ASTN2: variants seen among roughly 807,000 people sequenced by gnomAD.
The protein encoded by ASTN2 is astrotactin 2.
ASTN2 carries 54 observed loss-of-function variants against 139.8 expected under a neutral mutation model. That is an observed-to-expected ratio of 0.39 (90% confidence interval 0.31 to 0.48). The LOEUF (loss-of-function observed/expected upper bound fraction) is 0.48, where lower values mean the gene tolerates loss of function less well. ASTN2 is among the 20% of genes least tolerant of loss of function. ASTN2 has a pLI of 0.95. For synonymous variants in ASTN2, 756 were observed against 719.5 expected, an observed-to-expected ratio of 1.05 and a Z score of -0.81; for missense variants, 1,565 against 1,725.1, an observed-to-expected ratio of 0.91 and a Z score of 1.64.
At chr9:117,272,238 G>T (rs1307157669) in intron 2 of ASTN2, among the ~76,000 whole-genome samples, 1 of 152,226 alleles carries the variant, frequency 6.6e-6, no homozygotes, top group Non-Finnish European at 1.5e-5. Context: ...ACCCTCTAAA[G>T]CCACAGGCTG....
intron 1 of ASTN2, among the ~76,000 whole-genome samples, chr9:117,400,024 C>T (rs917076003): frequency 6.6e-6 from 1 of 152,154 alleles, no homozygotes. Flanking sequence ...ATATGATGGA[C>T]ACATCTGTAG....
At chr9:116,970,767 C>A in intron 10 of ASTN2, among the ~76,000 whole-genome samples, 1 of 152,120 alleles carries the variant, frequency 6.6e-6, no homozygotes, top group East Asian at 1.9e-4. Context: ...ATTCTTTCAG[C>A]GTTGTTCAGG....
intron 10 of ASTN2, among the ~76,000 whole-genome samples, chr9:116,917,914 C>A (rs1432618548): frequency 6.6e-6 from 1 of 152,038 alleles, no homozygotes; most frequent in Non-Finnish European, 1.5e-5. Flanking sequence ...AATTGTATCT[C>A]CTAGAATTCC....
At chr9:116,612,509 T>A (rs1311870626) in intron 19 of ASTN2, 2 of 152,104 alleles carry the variant, frequency 1.3e-5, no homozygotes, top group Non-Finnish European at 2.9e-5. Flanking sequence ...AAAGAAATTA[T>A]AACAAACTGT....
intron 10 of ASTN2, among the ~76,000 whole-genome samples, chr9:116,941,221 G>T (rs1835219481): frequency 6.6e-6 from 1 of 152,016 alleles, no homozygotes; most frequent in Non-Finnish European, 1.5e-5. Flanking sequence ...ATATTGTTTA[G>T]CATGGTATTT....
At position 117,414,785 on chromosome 9, in the gene ASTN2, TGGCGCCGGCCAGCAGCGGCGGCGGC is replaced by T. The variant is rs1831281964; in HGVS notation, c.129_153del (p.Pro46LeufsTer12). 1.6e-6 allele frequency: 2 copies of T among 1,253,114 alleles called. No homozygotes were observed. The highest frequency in any genetic ancestry group is 2.0e-6 in the Non-Finnish European group (2 of 998,260). 77.6% of individuals were successfully genotyped at this position (1,253,114 alleles called of 1,614,324 possible). On this transcript the variant is annotated frameshift_variant, in exon 1 of 23. Transcript: ENST00000313400. LOFTEE classifies it high-confidence loss of function. This position sits in a 1 kb window ranked among gnomAD's most constrained non-coding sequence, Gnocchi z 4.2. ...TCGGGCTCCCGCGAGGCAGCGGCGG[TGGCGCCGGCCAGCAGCGGCGGCGGC>T]GGCAGCAGGAGCAGGAACAGCAGCA... is the stretch of plus-strand genomic sequence containing the variant.
At chr9:116,790,471 T>C (rs1210185962) in intron 13 of ASTN2, among the ~76,000 whole-genome samples, 1 of 152,040 alleles carries the variant, frequency 6.6e-6, no homozygotes, top group African/African-American at 2.4e-5. Flanking sequence ...ATGACCCACC[T>C]TGACTTTCAC....
intron 10 of ASTN2, among the ~76,000 whole-genome samples, chr9:116,917,161 G>T (rs181823432): frequency 6.6e-6 from 1 of 151,996 alleles, no homozygotes; most frequent in South Asian, 2.1e-4. Flanking sequence ...CTTTACTCCT[G>T]CTCATCCTGT....
intron 4 of ASTN2, among the ~76,000 whole-genome samples, chr9:117,107,682 T>G (rs1350795253): frequency 6.6e-6 from 1 of 152,180 alleles, no homozygotes; most frequent in African/African-American, 2.4e-5. Flanking sequence ...AACACAAGAC[T>G]TATAATAATG....
intron 2 of ASTN2, among the ~76,000 whole-genome samples, chr9:117,274,169 C>A (rs1352303130): frequency 6.6e-6 from 1 of 151,902 alleles, no homozygotes; most frequent in Admixed American, 6.6e-5. Context: ...GCTAACATGG[C>A]GAAACCCCGT....
intron 16 of ASTN2, among the ~76,000 whole-genome samples, chr9:116,653,872 G>T (rs890884408): frequency 2.0e-5 from 3 of 152,228 alleles, no homozygotes; most frequent in Non-Finnish European, 2.9e-5. Flanking sequence ...GGCTCTGGGG[G>T]AGGAAGACAA....
At chr9:116,887,929 A>G (rs1833659441) in intron 10 of ASTN2, among the ~76,000 whole-genome samples, 2 of 152,288 alleles carry the variant, frequency 1.3e-5, no homozygotes, top group South Asian at 4.1e-4. Flanking sequence ...CGGTTTCTCA[A>G]AATGCTGGGA....
intron 5 of ASTN2, among the ~76,000 whole-genome samples, chr9:117,087,426 C>T (rs1329109523): frequency 6.6e-6 from 1 of 152,044 alleles, no homozygotes; most frequent in African/African-American, 2.4e-5. Context: ...TGGGGTTTCG[C>T]CATGTTGCCC....
At chr9:116,734,014 A>G (rs1195813087) in intron 13 of ASTN2, among the ~76,000 whole-genome samples, 1 of 152,166 alleles carries the variant, frequency 6.6e-6, no homozygotes, top group African/African-American at 2.4e-5. Context: ...AAAAAAGAAA[A>G]ACAAACAAAC....
At chr9:117,182,326 G>GAA (rs1554787970) in intron 3 of ASTN2, among the ~76,000 whole-genome samples, 7 of 149,270 alleles carry the variant, frequency 4.7e-5, no homozygotes, top group Admixed American at 4.7e-4. Context: ...CACAGACACA[G>GAA]ACACACACAC....
intron 1 of ASTN2, among the ~76,000 whole-genome samples, chr9:117,292,086 TG>T (rs1245943042): frequency 6.6e-6 from 1 of 152,178 alleles, no homozygotes; most frequent in Non-Finnish European, 1.5e-5. Flanking sequence ...CTCCATTTTT[TG>T]TAAGGTATAT....
intron 13 of ASTN2, among the ~76,000 whole-genome samples, chr9:116,767,205 G>T (rs1829835030): frequency 6.6e-6 from 1 of 151,910 alleles, no homozygotes; most frequent in African/African-American, 2.4e-5. Context: ...AGAGAATGAG[G>T]CCTGAAGAAT....
chr9:116,584,744 G>C (rs970151298), intron 19 of ASTN2: 7 of 152,196 alleles, frequency 4.6e-5, no homozygotes, highest in Non-Finnish European at 8.8e-5. Flanking sequence ...TGGAAAGGAA[G>C]AAGTATAATT....
At chr9:116,693,795 T>C (rs1429294554) in intron 16 of ASTN2, among the ~76,000 whole-genome samples, 1 of 152,214 alleles carries the variant, frequency 6.6e-6, no homozygotes, top group African/African-American at 2.4e-5. Context: ...TCCTTTTATT[T>C]GTGTAGTCTT....
Sources: allele counts gnomAD v4.1 joint callset (sites outside exome capture counted in the v4.1 genomes callset), GRCh38; gene constraint gnomAD v4.1.1; non-coding constraint Gnocchi (gnomAD v3.1); transcripts MANE v1.5; gene names NCBI Gene and HGNC (gene_info 2026-07-23, HGNC 2026-07-21).